SENP7: variants seen among roughly 807,000 people sequenced by gnomAD.
The protein encoded by SENP7 is sentrin-specific protease 7.
Under a neutral mutation model 141.2 loss-of-function variants are expected in SENP7, and 64 were observed. The ratio of observed to expected loss-of-function variants is 0.45; its 90% CI spans 0.37 to 0.56. The LOEUF (loss-of-function observed/expected upper bound fraction) is 0.56, where lower values mean the gene tolerates loss of function less well. Among genes scored for constraint, SENP7 ranks in the 20% least tolerant of loss-of-function variants. The probability of loss-of-function intolerance (pLI) is 0.00; values close to 1 mark genes in which losing one functional copy is unlikely to be tolerated. For synonymous variants in SENP7, 382 were observed against 426.4 expected (o/e 0.90, Z 1.28); for missense variants, 1,025 against 1,212.2 (o/e 0.85, Z 2.29).
At chr3:101,378,595 G>A (rs1559742368) in intron 6 of SENP7, among the ~76,000 whole-genome samples, 2 of 151,996 alleles carry the variant, frequency 1.3e-5, no homozygotes, top group Non-Finnish European at 2.9e-5. Context: ...GGCATAATGG[G>A]AATATCATAA....
In SENP7 at chr3:101,366,745, T is replaced by C. The variant is rs1374022589; in HGVS notation, c.1003A>G (p.Ile335Val). 1.9e-6 allele frequency: 3 copies of C among 1,597,462 alleles called. No individual in the cohort carries two copies. The highest frequency in any genetic ancestry group is 1.1e-5 in the South Asian group (1 of 88,622). Residue 335 changes from isoleucine (I) to valine (V), a missense_variant, in exon 9 of 24, where the codon ATA becomes GTA. Ile to Val is a conservative substitution (Grantham distance 29). Transcript: ENST00000394095. The part of the protein sequence containing the change: ...QTKKQEDDST[I>V]STEFEKPSEN... ...CTTGGCTTTTCAAACTCAGTGGATA[T>C]TGTTGAGTCATCTTCTTGTTTTTTC...
At chr3:101,332,332 T>G (rs939358682) in intron 18 of SENP7, among the ~76,000 whole-genome samples, 1 of 152,154 alleles carries the variant, frequency 6.6e-6, no homozygotes, top group African/African-American at 2.4e-5. Context: ...TAGTTCAAAT[T>G]TATTTACTTT....
At chr3:101,447,264 A>G (rs546010140) in intron 4 of SENP7, among the ~76,000 whole-genome samples, 5 of 152,120 alleles carry the variant, frequency 3.3e-5, no homozygotes, top group Admixed American at 3.3e-4. Context: ...GGGCAACACA[A>G]TGAGACCCCG....
At chr3:101,353,173 C>G (rs538534866) in intron 11 of SENP7, among the ~76,000 whole-genome samples, 1 of 152,070 alleles carries the variant, frequency 6.6e-6, no homozygotes, top group African/African-American at 2.4e-5. Flanking sequence ...TATACTGCCC[C>G]TTTCCAAACT....
At chr3:101,500,295 C>A (rs1034546478) in intron 2 of SENP7, among the ~76,000 whole-genome samples, 3 of 152,130 alleles carry the variant, frequency 2.0e-5, no homozygotes, top group Non-Finnish European at 4.4e-5. Context: ...GTGGCTTATG[C>A]CATAATCCCA....
At chr3:101,479,798 C>A (rs1186663255) in intron 3 of SENP7, among the ~76,000 whole-genome samples, 6 of 130,990 alleles carry the variant, frequency 4.6e-5, no homozygotes, top group African/African-American at 1.8e-4. Context: ...GAGTGAGACT[C>A]TGTCAAAAAA....
At chr3:101,429,052 A>C (rs1168153357) in intron 4 of SENP7, among the ~76,000 whole-genome samples, 2 of 151,980 alleles carry the variant, frequency 1.3e-5, no homozygotes, top group Non-Finnish European at 2.9e-5. Context: ...TGGTCTATCT[A>C]TCTGTTTTGG....
intron 3 of SENP7, among the ~76,000 whole-genome samples, chr3:101,464,282 C>T (rs1163168013): frequency 6.6e-6 from 1 of 152,134 alleles, no homozygotes; most frequent in Non-Finnish European, 1.5e-5. Context: ...TTTTAAAAAG[C>T]ACTGAATGGC....
At chr3:101,394,818 T>G (rs978171469) in intron 6 of SENP7, among the ~76,000 whole-genome samples, 4 of 152,178 alleles carry the variant, frequency 2.6e-5, no homozygotes, top group Admixed American at 2.6e-4. Context: ...TCTGCTATTC[T>G]TTGTCTTTCT....
rs184081343 is a variant in SENP7, at chr3:101,345,743, C to T, written c.1838-1789G>A. Among the ~76,000 whole-genome samples the T allele has an allele frequency of 1.4e-4, 21 of 152,258 alleles. No individual in the cohort carries two copies. In the East Asian group the frequency reaches 3.9e-3, roughly 28 times the overall value. ...TAGGAGAATGAAACTGGAGCCTCAT[C>T]TCTCACCTTATACAAAAATCAACTC... On this transcript the variant is annotated intron_variant, in intron 13 of 23. Coordinates refer to ENST00000394095, the MANE Select transcript of SENP7 (RefSeq NM_020654.5).
At chr3:101,493,693 G>A (rs939904193) in intron 3 of SENP7, among the ~76,000 whole-genome samples, 180 bp downstream of exon 3, 2 of 151,922 alleles carry the variant, frequency 1.3e-5, no homozygotes, top group Non-Finnish European at 2.9e-5. Flanking sequence ...AGTTTTAAAC[G>A]AAGAGCCTAA....
intron 13 of SENP7, among the ~76,000 whole-genome samples, chr3:101,346,250 T>C (rs1378944840): frequency 6.6e-6 from 1 of 151,944 alleles, no homozygotes; most frequent in African/African-American, 2.4e-5. Flanking sequence ...TATCAAAGAA[T>C]GAAAAAATAA....
At chr3:101,480,330 A>G (rs2064416371) in intron 3 of SENP7, among the ~76,000 whole-genome samples, 1 of 152,180 alleles carries the variant, frequency 6.6e-6, no homozygotes, top group Non-Finnish European at 1.5e-5. Flanking sequence ...AGACCCACAG[A>G]GCAATGGAAC....
chr3:101,356,123 A>G (rs1400266178), intron 11 of SENP7, among the ~76,000 whole-genome samples: 1 of 152,076 alleles, frequency 6.6e-6, no homozygotes, highest in African/African-American at 2.4e-5. Flanking sequence ...TATACTTTTA[A>G]CTATAATTAA....
At chr3:101,482,693 A>G (rs1169415296) in intron 3 of SENP7, among the ~76,000 whole-genome samples, 3 of 152,094 alleles carry the variant, frequency 2.0e-5, no homozygotes, top group Non-Finnish European at 4.4e-5. Flanking sequence ...AGAGTGTGGT[A>G]TGGGTGAAAG....
intron 3 of SENP7, among the ~76,000 whole-genome samples, chr3:101,468,669 G>A (rs560131171): frequency 3.9e-5 from 6 of 152,206 alleles, no homozygotes; most frequent in African/African-American, 1.4e-4. Context: ...GAGAGATTTC[G>A]TCACTACCAG....
chr3:101,501,006 A>G (rs928681551), intron 2 of SENP7, 64 bp downstream of exon 2: 6 of 1,133,068 alleles, frequency 5.3e-6, no homozygotes, highest in African/African-American at 4.7e-5. Flanking sequence ...AAAGACAAAC[A>G]GCAAAATACT....
chr3:101,355,377 T>C, intron 11 of SENP7, among the ~76,000 whole-genome samples: 1 of 152,156 alleles, frequency 6.6e-6, no homozygotes, highest in East Asian at 1.9e-4. Flanking sequence ...CATCTTGAGT[T>C]GATTTTTGTG....
rs1360317467 is a variant in SENP7, at chr3:101,459,049, C to T, written c.190G>A (p.Glu64Lys). ...SERWTLPLQWERSLRNKVISL... is the reference protein window; with the variant it reads ...SERWTLPLQWKRSLRNKVISL... ...ATGACTTTATTCCTTAGGCTTCTTTCCCACTAGGAAAAAAAAAATGAAATT... is the reference window on the plus strand; with the variant it reads ...ATGACTTTATTCCTTAGGCTTCTTTTCCACTAGGAAAAAAAAAATGAAATT... Residue 64 changes from glutamate to lysine, a missense_variant, in exon 4 of 24, where the codon GAA (glutamate) becomes AAA (lysine). Transcript: ENST00000394095. 6.4e-7 allele frequency: 1 copy of T among 1,552,462 alleles called. No individual in the cohort carries two copies. The highest frequency in any genetic ancestry group is 8.8e-7 in the Non-Finnish European group (1 of 1,141,146).
Sources: gnomAD v4.1 joint callset for allele counts (sites outside exome capture counted in the v4.1 genomes callset) on GRCh38, gnomAD v4.1.1 for gene constraint, MANE v1.5 for transcripts, NCBI Gene and HGNC (gene_info 2026-07-23, HGNC 2026-07-21) for gene names.